Variants in KSR1 observed in about 807,000 individuals in gnomAD.
The protein encoded by KSR1 is kinase suppressor of ras 1, also known as kinase suppressor of ras.
A neutral mutation model predicts 92.9 loss-of-function variants in KSR1; 35 were observed. The ratio of observed to expected loss-of-function variants is 0.38; its 90% CI spans 0.29 to 0.50. The LOEUF (loss-of-function observed/expected upper bound fraction) is 0.50, where lower values mean the gene tolerates loss of function less well. KSR1 is among the 20% of genes least tolerant of loss of function. The probability of loss-of-function intolerance (pLI) is 0.94; values close to 1 mark genes in which losing one functional copy is unlikely to be tolerated. For missense variants in KSR1, 972 were observed against 1,158.5 expected, an observed-to-expected ratio of 0.84 and a Z score of 2.34; for synonymous variants, 467 against 472.6, an observed-to-expected ratio of 0.99 and a Z score of 0.15.
rs574083292 is a variant in KSR1 at position 27,459,130 on chromosome 17, G to A, written c.231+2256G>A. Among the ~76,000 whole-genome samples, 3 of 152,300 alleles carry A rather than the reference G, an allele frequency of 2.0e-5. No homozygotes were observed. In the South Asian group the frequency reaches 6.2e-4, roughly 32 times the overall value. On this transcript the variant is annotated intron_variant, in intron 1 of 20. Coordinates refer to ENST00000644974, the MANE Select transcript of KSR1 (RefSeq NM_001394583.1). This position sits in a 1 kb window ranked among gnomAD's most constrained non-coding sequence, Gnocchi z 4.6. Reference sequence around the variant, plus strand: ...GGAAGCCCCATGGCTTTCATACTGGGCCTGGGTTCTGTCTGTGTGACCTTA... The same window carrying A: ...GGAAGCCCCATGGCTTTCATACTGGACCTGGGTTCTGTCTGTGTGACCTTA...
At chr17:27,464,849 C>T (rs2019610003) in intron 1 of KSR1, among the ~76,000 whole-genome samples, 1 of 151,836 alleles carries the variant, frequency 6.6e-6, no homozygotes, top group Non-Finnish European at 1.5e-5. Context: ...GCACAGGTGT[C>T]CAGTCTTTTG....
intron 9 of KSR1, 68 bp downstream of exon 9, chr17:27,592,694 C>T (rs369861862): frequency 1.5e-6 from 2 of 1,322,176 alleles, no homozygotes; most frequent in East Asian, 2.4e-5. Context: ...AGCACCCCTG[C>T]CTCAGAGGCT....
chr17:27,548,124 G>C (rs1179673240), intron 1 of KSR1, among the ~76,000 whole-genome samples: 1 of 151,220 alleles, frequency 6.6e-6, no homozygotes, highest in Non-Finnish European at 1.5e-5. Flanking sequence ...GTCCAGGTGC[G>C]ATGGCTCACG....
At chr17:27,540,352 G>C (rs956997671) in intron 1 of KSR1, among the ~76,000 whole-genome samples, 18 of 152,212 alleles carry the variant, frequency 1.2e-4, no homozygotes, top group Non-Finnish European at 2.2e-4. Flanking sequence ...ATTCCCAGTG[G>C]AGCATAGGGA....
chr17:27,617,245 C>G, intron 18 of KSR1, 50 bp from the exon 19 acceptor site: 2 of 1,563,398 alleles, frequency 1.3e-6, no homozygotes, highest in African/African-American at 2.7e-5. Context: ...ACTGTGTGCC[C>G]CCTCCCTCCC....
Position 27,456,666 on chromosome 17 carries a change from C to T in KSR1, c.23C>T (p.Ala8Val). 1 of 652,954 alleles carries T rather than the reference C, an allele frequency of 1.5e-6. No individual in the cohort carries two copies. Among genetic ancestry groups the T allele is most frequent in the Non-Finnish European group, 2.6e-6 (1 of 379,378 alleles). The allele number at this position is 652,954 out of a possible 1,614,324, so 40.4% of individuals were successfully genotyped here. ...GGCATGGATAGAGCAGCGCTGCGCGCGGCGGCGATGGGAGAGAAGAAGGAG... is the reference window on the plus strand; with the variant it reads ...GGCATGGATAGAGCAGCGCTGCGCGTGGCGGCGATGGGAGAGAAGAAGGAG... MDRAALRAAAMGEKKEGG... is the reference protein window; with the variant it reads MDRAALRVAAMGEKKEGG... Residue 8 changes from alanine to valine, a missense_variant, in exon 1 of 21, where the codon GCG (alanine) becomes GTG (valine). This residue lies in a region of KSR1 where 36 missense variants were observed against 16.0 expected (regional missense o/e 2.25). Transcript: ENST00000644974.
At chr17:27,522,489 A>G (rs2070082441) in intron 1 of KSR1, among the ~76,000 whole-genome samples, 1 of 152,142 alleles carries the variant, frequency 6.6e-6, no homozygotes, top group Non-Finnish European at 1.5e-5. Context: ...TTCCTTTATC[A>G]GGAGATGCTC....
At chr17:27,588,161 C>A (rs1161714096) in intron 5 of KSR1, 4 of 206,938 alleles carry the variant, frequency 1.9e-5, no homozygotes, top group Non-Finnish European at 3.9e-5. Context: ...GAAGCTTCTG[C>A]CCTCACTCTG....
At chr17:27,595,871 C>T (rs571419850) in intron 9 of KSR1, among the ~76,000 whole-genome samples, 6 of 152,228 alleles carry the variant, frequency 3.9e-5, no homozygotes, top group African/African-American at 7.2e-5. Flanking sequence ...ATCCTGAAGC[C>T]GGGATCATGC....
chr17:27,472,231 A>G (rs745679852), intron 1 of KSR1, among the ~76,000 whole-genome samples: 4 of 152,172 alleles, frequency 2.6e-5, no homozygotes, highest in Non-Finnish European at 5.9e-5. Context: ...ATTTGGGGAC[A>G]TTGTGCTCCT....
intron 15 of KSR1, among the ~76,000 whole-genome samples, chr17:27,608,893 GC>G (rs1016609910): frequency 6.6e-6 from 1 of 152,140 alleles, no homozygotes; most frequent in Non-Finnish European, 1.5e-5. Context: ...CCGGCTCCCT[GC>G]CCATCACCCT....
rs1444720897 is a variant in KSR1 at position 27,533,319 on chromosome 17, G to C, written c.232-17249G>C. Among the ~76,000 whole-genome samples the C allele has an allele frequency of 2.0e-5, 3 of 151,782 alleles. No homozygotes were observed. The East Asian group carries it at 5.8e-4, about 29-fold the overall frequency. On this transcript the variant is annotated intron_variant, in intron 1 of 20. Transcript: ENST00000644974. ...TGGTATCCATGGGGGAGTGGTCCCAGGAACCCCTGAGGATACCAAAATCCA... is the reference window on the plus strand; with the variant it reads ...TGGTATCCATGGGGGAGTGGTCCCACGAACCCCTGAGGATACCAAAATCCA...
chr17:27,604,538 A>G (rs2073683023), intron 12 of KSR1, 142 bp from the exon 13 acceptor site: 1 of 754,322 alleles, frequency 1.3e-6, no homozygotes, highest in Non-Finnish European at 2.3e-6. Context: ...GCCTATTGCC[A>G]TGCTATCCAC....
At position 27,459,969 on chromosome 17, in the gene KSR1, C is replaced by T. The variant is rs1359598336; in HGVS notation, c.231+3095C>T. Among the ~76,000 whole-genome samples, 3 of 152,200 alleles carry T rather than the reference C, an allele frequency of 2.0e-5. No homozygotes were observed. Among genetic ancestry groups the T allele is most frequent in the Non-Finnish European group, 4.4e-5 (3 of 68,038 alleles). ...GCCTGACTCTTCTCAAACTCACACA[C>T]GTTCCTGGAGATCAGCAGTTTTCAT... On this transcript the variant is annotated intron_variant, in intron 1 of 20. Transcript: ENST00000644974. The surrounding 1 kb of genome is among the most constrained non-coding windows in gnomAD (Gnocchi z 4.6).
intron 1 of KSR1, among the ~76,000 whole-genome samples, chr17:27,549,692 T>C (rs1436021449): frequency 6.6e-6 from 1 of 151,844 alleles, no homozygotes; most frequent in East Asian, 1.9e-4. Context: ...GGAATCCGAG[T>C]CCAGGACCCT....
chr17:27,510,473 G>T (rs1597912551), intron 1 of KSR1, among the ~76,000 whole-genome samples: 1 of 152,236 alleles, frequency 6.6e-6, no homozygotes, highest in Non-Finnish European at 1.5e-5. Flanking sequence ...TGGTCATTTT[G>T]TGTAGTTTAA....
Position 27,599,695 on chromosome 17 carries a change from A to G in KSR1, c.1469-1665A>G, listed in dbSNP as rs943368463. Among the ~76,000 whole-genome samples the G allele has an allele frequency of 2.0e-5, 3 of 152,208 alleles. 1 individual carries two copies. Among genetic ancestry groups the G allele is most frequent in the African/African-American group, 7.2e-5 (3 of 41,440 alleles). The stretch of plus-strand genomic sequence containing the variant: ...AAATTTATTTTAAAATATTCTCCTC[A>G]ATAATAAATTAACCTTAGCTTACAA... On this transcript the variant is annotated intron_variant, in intron 10 of 20. Transcript: ENST00000644974.
At chr17:27,537,040 C>G (rs1211904652) in intron 1 of KSR1, among the ~76,000 whole-genome samples, 2 of 152,234 alleles carry the variant, frequency 1.3e-5, no homozygotes, top group Non-Finnish European at 2.9e-5. Context: ...CACCCACTGC[C>G]AGGAGCGGGG....
chr17:27,557,425 G>C (rs1233490708), intron 2 of KSR1, among the ~76,000 whole-genome samples: 1 of 152,212 alleles, frequency 6.6e-6, no homozygotes, highest in East Asian at 1.9e-4. Flanking sequence ...TCACTTGGCT[G>C]CTGGTGCCCA....
Sources: allele counts gnomAD v4.1 joint callset (sites outside exome capture counted in the v4.1 genomes callset), GRCh38; gene constraint gnomAD v4.1.1; regional missense constraint gnomAD v4.1.1; non-coding constraint Gnocchi (gnomAD v3.1); transcripts MANE v1.5; gene names NCBI Gene and HGNC (gene_info 2026-07-23, HGNC 2026-07-21).